LANCL2: variants seen among roughly 807,000 people sequenced by gnomAD.
LANCL2 encodes lanC-like protein 2.
Under a neutral mutation model 56.9 loss-of-function variants are expected in LANCL2, and 33 were observed. The observed-to-expected ratio is 0.58, with a 90% CI of 0.44 to 0.78. The LOEUF is 0.78. LANCL2 is among the 30% of genes least tolerant of loss of function. The pLI, the probability that LANCL2 is intolerant of heterozygous loss-of-function variation, is 0.00. For synonymous variants in LANCL2, 233 were observed against 228.2 expected, an observed-to-expected ratio of 1.02 and a Z score of -0.19; for missense variants, 562 against 580.2, an observed-to-expected ratio of 0.97 and a Z score of 0.32.
chr7:55,400,040 A>G lies in LANCL2; in HGVS notation c.614A>G (p.Tyr205Cys), dbSNP rs756054596. 2.5e-6 allele frequency: 4 copies of G among 1,613,802 alleles called. No individual in the cohort carries two copies. Among genetic ancestry groups the G allele is most frequent in the African/African-American group, 2.7e-5 (2 of 75,036 alleles). Residue 205 changes from tyrosine to cysteine, a missense_variant, in exon 4 of 9, where the codon TAT becomes TGT. By Grantham distance (194) the Tyr-to-Cys change is radical. This residue lies in a region of LANCL2 where 378 missense variants were observed against 468.4 expected (regional missense o/e 0.81). Coordinates refer to ENST00000254770, the MANE Select transcript of LANCL2 (RefSeq NM_018697.4). ...CTTTATGGACGGGCAGGTTATCTGT[A>G]TGCCTTACTGTACCTGAACACAGAG... ...ELLYGRAGYL[Y>C]ALLYLNTEIG...
Position 55,425,271 on chromosome 7 carries a change from G to A in LANCL2, c.1026G>A (p.Lys342=). 6.2e-7 allele frequency: 1 copy of A among 1,614,038 alleles called. No homozygotes were observed. Among genetic ancestry groups the A allele is most frequent in the Non-Finnish European group, 8.5e-7 (1 of 1,179,956 alleles). The stretch of plus-strand genomic sequence containing the variant: ...TTGCCCAGGTCTTTAAGGAGGAGAA[G>A]TACTTGAAAGAGGCCATGGAGTGTA... ...MQAYKVFKEE[K]YLKEAMECSD... is the part of the protein sequence containing the mutation. The change falls in exon 7 of 9, where the codon AAG becomes AAA. Residue 342 remains lysine (K), a synonymous_variant. Transcript: ENST00000254770.
At chr7:55,391,011 G>A (rs1017992451) in intron 1 of LANCL2, among the ~76,000 whole-genome samples, 2 of 140,854 alleles carry the variant, frequency 1.4e-5, no homozygotes, top group Admixed American at 1.4e-4. Flanking sequence ...CTGAGTGATT[G>A]AACTTTTTTT....
chr7:55,396,538 A>G (rs1234940141), intron 2 of LANCL2, among the ~76,000 whole-genome samples: 1 of 152,214 alleles, frequency 6.6e-6, no homozygotes, highest in Non-Finnish European at 1.5e-5. Context: ...GATGGGAGGC[A>G]CTGGTGCAGT....
At chr7:55,373,619 C>G (rs904655166) in intron 1 of LANCL2, among the ~76,000 whole-genome samples, 3 of 152,120 alleles carry the variant, frequency 2.0e-5, no homozygotes, top group Non-Finnish European at 4.4e-5. Context: ...TAAACATCCT[C>G]ACTGCTTGAT....
chr7:55,383,981 T>G (rs1194498899), intron 1 of LANCL2, among the ~76,000 whole-genome samples: 2 of 152,192 alleles, frequency 1.3e-5, no homozygotes, highest in Non-Finnish European at 2.9e-5. Context: ...ATTTTTTCAC[T>G]GTTATAATTT....
Position 55,430,404 on chromosome 7 carries a change from C to T in LANCL2, c.1259-822C>T, listed in dbSNP as rs1035729782. ...ACTGTGGCCATGCTCATAAGAGTGC[C>T]AGAGCAGGCAGAACTAATCCATGGT... On this transcript the variant is annotated intron_variant, in intron 8 of 8. Coordinates refer to ENST00000254770, the MANE Select transcript of LANCL2 (RefSeq NM_018697.4). Among the ~76,000 whole-genome samples, 10 of 152,234 alleles carry T rather than the reference C, an allele frequency of 6.6e-5. No homozygotes were observed. In the East Asian group the frequency reaches 1.4e-3, roughly 21 times the overall value.
chr7:55,410,478 A>G (rs1790458361), intron 5 of LANCL2, among the ~76,000 whole-genome samples: 1 of 152,150 alleles, frequency 6.6e-6, no homozygotes, highest in Admixed American at 6.5e-5. Flanking sequence ...TGAGGTTTTT[A>G]TTTCATTCTG....
At chr7:55,389,344 G>A (rs974686535) in intron 1 of LANCL2, among the ~76,000 whole-genome samples, 6 of 152,150 alleles carry the variant, frequency 3.9e-5, no homozygotes, top group African/African-American at 1.2e-4. Flanking sequence ...AGAGGGTTCC[G>A]CTTATGTCCA....
At chr7:55,421,755 C>T (rs1254432788) in intron 6 of LANCL2, among the ~76,000 whole-genome samples, 1 of 152,088 alleles carries the variant, frequency 6.6e-6, no homozygotes, top group African/African-American at 2.4e-5. Context: ...AACACTGAGC[C>T]ACTTCGCATA....
chr7:55,404,652 C>T (rs1350852884), intron 5 of LANCL2, among the ~76,000 whole-genome samples: 3 of 149,440 alleles, frequency 2.0e-5, no homozygotes, highest in African/African-American at 7.4e-5. Flanking sequence ...CTTGCTTTGT[C>T]GCCCAGGCTG....
chr7:55,370,625 A>T (rs147315456), intron 1 of LANCL2, among the ~76,000 whole-genome samples: 1 of 152,340 alleles, frequency 6.6e-6, no homozygotes, highest in African/African-American at 2.4e-5. Context: ...AAGAAAGAAG[A>T]CGTGTTAATT....
At position 55,383,829 on chromosome 7, in the gene LANCL2, T is replaced by G. The variant is rs541832737; in HGVS notation, c.205-7964T>G. ...TCCATACTGGGCAAGAGAGTGAGACTTCGTCTCTCTCTATATATATATGTG... is the reference window on the plus strand; with the variant it reads ...TCCATACTGGGCAAGAGAGTGAGACGTCGTCTCTCTCTATATATATATGTG... On this transcript the variant is annotated intron_variant, in intron 1 of 8. Transcript: ENST00000254770. Among the ~76,000 whole-genome samples, 201 of 142,508 alleles carry G rather than the reference T, an allele frequency of 1.4e-3. 2 individuals carry two copies. The highest frequency in any genetic ancestry group is 4.8e-3 in the African/African-American group (197 of 41,292). The allele number at this position is 142,508 out of a possible 152,430, so 93.5% of individuals were successfully genotyped here.
At chr7:55,367,040 A>G (rs1165667309) in intron 1 of LANCL2, among the ~76,000 whole-genome samples, 1 of 152,142 alleles carries the variant, frequency 6.6e-6, no homozygotes, top group Non-Finnish European at 1.5e-5. Flanking sequence ...TGTTTCATGA[A>G]GAAAAGGGGG....
At chr7:55,402,897 C>G (rs1248152113) in intron 5 of LANCL2, among the ~76,000 whole-genome samples, 1 of 150,964 alleles carries the variant, frequency 6.6e-6, no homozygotes, top group Non-Finnish European at 1.5e-5. Flanking sequence ...CTGGCAGAGA[C>G]GCTCCTCACT....
At chr7:55,394,281 T>G (rs530771212) in intron 2 of LANCL2, among the ~76,000 whole-genome samples, 17 of 152,198 alleles carry the variant, frequency 1.1e-4, no homozygotes, top group African/African-American at 1.4e-4. Context: ...GTATACGATA[T>G]AGGAAGAAGG....
chr7:55,371,618 C>T (rs1181107618), intron 1 of LANCL2, among the ~76,000 whole-genome samples: 2 of 152,074 alleles, frequency 1.3e-5, no homozygotes, highest in Non-Finnish European at 2.9e-5. Context: ...TGGCCGGTGT[C>T]CAGGAGCTTT....
At chr7:55,404,216 C>T (rs193029493) in intron 5 of LANCL2, among the ~76,000 whole-genome samples, 2 of 152,280 alleles carry the variant, frequency 1.3e-5, no homozygotes, top group African/African-American at 2.4e-5. Flanking sequence ...CCCTGCCAAG[C>T]GCACAGCCGC....
intron 8 of LANCL2, among the ~76,000 whole-genome samples, chr7:55,429,025 C>G (rs1232305345): frequency 6.6e-6 from 1 of 152,120 alleles, no homozygotes; most frequent in South Asian, 2.1e-4. Context: ...CCCGGATATT[C>G]GTTAGATTTG....
At chr7:55,423,396 G>A (rs1388417065) in intron 6 of LANCL2, among the ~76,000 whole-genome samples, 4 of 152,186 alleles carry the variant, frequency 2.6e-5, no homozygotes, top group Admixed American at 6.5e-5. Context: ...ACCAGCAGGG[G>A]CAGCTCCAGC....
Sources: allele counts gnomAD v4.1 joint callset (sites outside exome capture counted in the v4.1 genomes callset), GRCh38; gene constraint gnomAD v4.1.1; regional missense constraint gnomAD v4.1.1; transcripts MANE v1.5; gene names NCBI Gene and HGNC (gene_info 2026-07-23, HGNC 2026-07-21).